Variants in UBE2K observed in about 807,000 individuals in gnomAD.
UBE2K encodes ubiquitin-conjugating enzyme E2 K.
In UBE2K, 6 loss-of-function variants were observed where a neutral mutation model predicts 30.0. The ratio of observed to expected loss-of-function variants is 0.20; its 90% confidence interval spans 0.11 to 0.39. The LOEUF is 0.39. Ranked by LOEUF, UBE2K falls within the 10% of genes least tolerant of loss-of-function variation. UBE2K has a pLI of 1.00. For synonymous variants in UBE2K, 86 were observed against 83.7 expected (o/e 1.03, Z -0.15); for missense variants, 61 against 241.6 (o/e 0.25, Z 4.96).
At chr4:39,745,379 AC>A (rs1720938721) in intron 2 of UBE2K, among the ~76,000 whole-genome samples, 1 of 149,978 alleles carries the variant, frequency 6.7e-6, no homozygotes, top group Admixed American at 6.6e-5. Context: ...TTTTTTTCTG[AC>A]CCTTTTGTTG....
intron 4 of UBE2K, among the ~76,000 whole-genome samples, chr4:39,767,496 T>C (rs1560377091): frequency 6.6e-6 from 1 of 152,018 alleles, no homozygotes; most frequent in Non-Finnish European, 1.5e-5. Flanking sequence ...GCTAATTTTT[T>C]TGTATTTTAG....
intron 5 of UBE2K, among the ~76,000 whole-genome samples, chr4:39,775,738 CG>C (rs1469804869): frequency 2.6e-5 from 4 of 152,058 alleles, no homozygotes; most frequent in Non-Finnish European, 2.9e-5. Context: ...GGTGACAGAA[CG>C]GGACCCTGTC....
At chr4:39,704,296 T>G (rs1718206929) in intron 1 of UBE2K, among the ~76,000 whole-genome samples, 1 of 152,034 alleles carries the variant, frequency 6.6e-6, no homozygotes. Flanking sequence ...TTATTTTTAT[T>G]TTATTTTTTC....
At chr4:39,739,979 C>T (rs760778563) in intron 2 of UBE2K, among the ~76,000 whole-genome samples, 2 of 152,070 alleles carry the variant, frequency 1.3e-5, no homozygotes, top group African/African-American at 2.4e-5. Context: ...TGCTGTTTAT[C>T]GAGTGCTTCC....
At chr4:39,735,476 T>G (rs28575253) in intron 1 of UBE2K, among the ~76,000 whole-genome samples, 3,812 of 152,136 alleles carry the variant, frequency 0.025, 153 homozygotes, top group African/African-American at 0.087. Flanking sequence ...CGCCTCCTGG[T>G]TTCACACCAT....
intron 3 of UBE2K, among the ~76,000 whole-genome samples, chr4:39,746,164 G>C (rs191113976): frequency 6.6e-6 from 1 of 152,140 alleles, no homozygotes. Flanking sequence ...TGTGTTTTAG[G>C]AGAGTACCTT....
intron 4 of UBE2K, among the ~76,000 whole-genome samples, chr4:39,766,526 A>G (rs1712351546): frequency 6.6e-6 from 1 of 150,870 alleles, no homozygotes; most frequent in African/African-American, 2.4e-5. Context: ...TATTATGGAT[A>G]TTAAGCCCTC....
At chr4:39,724,612 A>G (rs13147205) in intron 1 of UBE2K, among the ~76,000 whole-genome samples, 1 of 94,132 alleles carries the variant, frequency 1.1e-5, no homozygotes, top group East Asian at 3.1e-4. Flanking sequence ...AAAAAAAAAT[A>G]CAAAAATTAG....
chr4:39,722,360 C>T (rs976429399), intron 1 of UBE2K, among the ~76,000 whole-genome samples: 4 of 152,230 alleles, frequency 2.6e-5, no homozygotes, highest in African/African-American at 9.6e-5. Flanking sequence ...CATATTGAAT[C>T]ATATTAGTAC....
intron 4 of UBE2K, among the ~76,000 whole-genome samples, chr4:39,772,807 C>T (rs1222990340): frequency 1.3e-5 from 2 of 151,736 alleles, no homozygotes; most frequent in Non-Finnish European, 2.9e-5. Flanking sequence ...CCTTCCTCAG[C>T]CACCTGAGCA....
intron 4 of UBE2K, chr4:39,770,131 CG>C: frequency 6.3e-7 from 1 of 1,595,008 alleles, no homozygotes; most frequent in Non-Finnish European, 8.5e-7. Flanking sequence ...AGCACGTTCT[CG>C]GCGGTGGTCT....
rs1713611643 is a variant in UBE2K at position 39,781,546 on chromosome 4, G to T, written c.*3112G>T. On this transcript the variant is annotated 3_prime_UTR_variant, in exon 7 of 7. Transcript: ENST00000261427. ...TTGGGTATAAGTGTATGCCTGATTTGAGCTTTTAAAACTGTGCAGTAGGTG... is the reference window on the plus strand; with the variant it reads ...TTGGGTATAAGTGTATGCCTGATTTTAGCTTTTAAAACTGTGCAGTAGGTG... 1 of 167,910 alleles carries T rather than the reference G, an allele frequency of 6.0e-6. No individual in the cohort carries two copies. Among genetic ancestry groups the T allele is most frequent in the Admixed American group, 6.4e-5 (1 of 15,692 alleles). The allele number at this position is 167,910 out of a possible 1,614,324, so 10.4% of individuals were successfully genotyped here. A position where few individuals can be genotyped will look rare whatever the true frequency, so the allele number is the denominator to read the frequency against.
chr4:39,771,270 C>G (rs1487597579), intron 4 of UBE2K: 1 of 1,611,696 alleles, frequency 6.2e-7, no homozygotes. Context: ...CCCGCAGGAA[C>G]GGTGAGCAGG....
chr4:39,758,154 C>A (rs750644065), intron 4 of UBE2K, among the ~76,000 whole-genome samples: 1 of 152,188 alleles, frequency 6.6e-6, no homozygotes, highest in Admixed American at 6.5e-5. Context: ...TACGTCCTTG[C>A]ATTTTCTCAG....
At position 39,774,854 on chromosome 4, in the gene UBE2K, G is replaced by T; in HGVS notation, c.320G>T (p.Arg107Leu). Residue 107 changes from arginine to leucine, a missense_variant, in exon 5 of 7, where the codon CGC becomes CTC. By Grantham distance (102) the Arg-to-Leu change is moderately radical. Coordinates refer to ENST00000261427, the MANE Select transcript of UBE2K (RefSeq NM_005339.5). Reference protein sequence around the residue: ...KDQWAAAMTLRTVLLSLQALL... With the variant: ...KDQWAAAMTLLTVLLSLQALL... Reference sequence around the variant, plus strand: ...TTTAGGGCAGCTGCAATGACTCTCCGCACGGTATTATTGTCATTGCAAGCA... The same window carrying T: ...TTTAGGGCAGCTGCAATGACTCTCCTCACGGTATTATTGTCATTGCAAGCA... The T allele has an allele frequency of 6.4e-7, 1 of 1,572,052 alleles. No individual in the cohort carries two copies. Among genetic ancestry groups the T allele is most frequent in the Non-Finnish European group, 8.7e-7 (1 of 1,151,654 alleles).
At chr4:39,709,918 G>T (rs571711482) in intron 1 of UBE2K, among the ~76,000 whole-genome samples, 1 of 152,194 alleles carries the variant, frequency 6.6e-6, no homozygotes, top group African/African-American at 2.4e-5. Context: ...TAATCCTGTG[G>T]TGTATAATCT....
chr4:39,702,916 G>T (rs183961226), intron 1 of UBE2K, among the ~76,000 whole-genome samples: 2 of 152,014 alleles, frequency 1.3e-5, no homozygotes, highest in African/African-American at 4.8e-5. Flanking sequence ...GAGCCCCAGC[G>T]CATGTCCCCA....
chr4:39,740,014 T>C (rs1013120042), intron 2 of UBE2K, among the ~76,000 whole-genome samples: 19 of 152,286 alleles, frequency 1.2e-4, no homozygotes, highest in African/African-American at 4.6e-4. Flanking sequence ...GGTCTGGCAG[T>C]TTTCATGGAT....
At chr4:39,770,665 G>A in intron 4 of UBE2K, 3 of 1,583,374 alleles carry the variant, frequency 1.9e-6, no homozygotes, top group East Asian at 4.5e-5. Flanking sequence ...ACCACACCCT[G>A]CGGTGGGGCC....
Sources: allele counts gnomAD v4.1 joint callset (sites outside exome capture counted in the v4.1 genomes callset), GRCh38; gene constraint gnomAD v4.1.1; transcripts MANE v1.5; gene names NCBI Gene and HGNC (gene_info 2026-07-23, HGNC 2026-07-21).